Variants in MAML2 observed in about 807,000 individuals in gnomAD.
The protein encoded by MAML2 is mastermind-like protein 2.
A neutral mutation model predicts 96.1 loss-of-function variants in MAML2; 22 were observed. The ratio of observed to expected loss-of-function variants is 0.23; its 90% confidence interval spans 0.16 to 0.33. The LOEUF is 0.33. Among genes scored for constraint, MAML2 ranks in the 10% least tolerant of loss-of-function variants. The pLI, the probability that MAML2 is intolerant of heterozygous loss-of-function variation, is 1.00. For synonymous variants in MAML2, 561 were observed against 521.3 expected (o/e 1.08, Z -1.04); for missense variants, 1,367 against 1,392.4 (o/e 0.98, Z 0.29).
rs1178412848 is a variant in MAML2 at position 95,978,704 on chromosome 11, T to C, written c.*244A>G. 2.1e-6 allele frequency: 1 copy of C among 468,668 alleles called. No individual in the cohort carries two copies. Among genetic ancestry groups the C allele is most frequent in the Non-Finnish European group, 3.8e-6 (1 of 266,142 alleles). 29.0% of individuals were successfully genotyped at this position (468,668 alleles called of 1,614,324 possible). On this transcript the variant is annotated 3_prime_UTR_variant, in exon 5 of 5. Coordinates refer to ENST00000524717, the MANE Select transcript of MAML2 (RefSeq NM_032427.4). Reference sequence around the variant, plus strand: ...GACACCACAGTTCTGTTTGGATAAATTGGATACTGTATCCTGGAGTTTAGA... The same window carrying C: ...GACACCACAGTTCTGTTTGGATAAACTGGATACTGTATCCTGGAGTTTAGA...
At chr11:96,237,497 T>C (rs747541784) in intron 1 of MAML2, among the ~76,000 whole-genome samples, 1 of 152,230 alleles carries the variant, frequency 6.6e-6, no homozygotes, top group Non-Finnish European at 1.5e-5. Context: ...GTTGATTTTC[T>C]AACTCCAATT....
intron 1 of MAML2, among the ~76,000 whole-genome samples, chr11:96,145,813 G>A (rs1216780300): frequency 1.3e-5 from 2 of 152,164 alleles, no homozygotes; most frequent in African/African-American, 4.8e-5. Context: ...TTCGAGACCA[G>A]CCTGGCCAAC....
Position 96,098,410 on chromosome 11 carries a change from C to G in MAML2, c.514-4893G>C, listed in dbSNP as rs542653177. Among the ~76,000 whole-genome samples, 4 of 152,322 alleles carry G rather than the reference C, an allele frequency of 2.6e-5. No individual in the cohort carries two copies. In the East Asian group the frequency reaches 7.7e-4, roughly 29 times the overall value. On this transcript the variant is annotated intron_variant, in intron 1 of 4. Transcript: ENST00000524717. ...TCAATCTTTGCACTTTTCCCACTAC[C>G]TAGGTGGGTGAGAAGCATTTTTTAT...
At chr11:96,231,485 A>T (rs1473457914) in intron 1 of MAML2, among the ~76,000 whole-genome samples, 1 of 152,218 alleles carries the variant, frequency 6.6e-6, no homozygotes, top group Non-Finnish European at 1.5e-5. Flanking sequence ...TACCTACTGT[A>T]GGATGTAAAG....
At chr11:96,229,336 G>C (rs569505951) in intron 1 of MAML2, among the ~76,000 whole-genome samples, 2 of 151,750 alleles carry the variant, frequency 1.3e-5, no homozygotes, top group Non-Finnish European at 2.9e-5. Context: ...GCAATTATAC[G>C]TAAGAGTGTT....
intron 1 of MAML2, among the ~76,000 whole-genome samples, chr11:96,184,596 T>A (rs1371904199): frequency 6.9e-6 from 1 of 145,458 alleles, no homozygotes; most frequent in Non-Finnish European, 1.5e-5. Context: ...TTTTACTTTT[T>A]TTTTTTTTTT....
At chr11:96,055,603 A>G (rs1007542880) in intron 2 of MAML2, among the ~76,000 whole-genome samples, 1 of 152,232 alleles carries the variant, frequency 6.6e-6, no homozygotes, top group African/African-American at 2.4e-5. Context: ...TAAAGCTCAC[A>G]CATGAATACA....
At chr11:96,150,352 C>A (rs1328674177) in intron 1 of MAML2, among the ~76,000 whole-genome samples, 1 of 152,152 alleles carries the variant, frequency 6.6e-6, no homozygotes, top group Admixed American at 6.5e-5. Flanking sequence ...AGTGAGAGCA[C>A]ATAGGAAGGA....
intron 1 of MAML2, among the ~76,000 whole-genome samples, chr11:96,230,771 GA>G (rs1555027221): frequency 1.3e-5 from 2 of 152,162 alleles, no homozygotes; most frequent in Non-Finnish European, 2.9e-5. Flanking sequence ...GGAACAATAC[GA>G]AGCCTAATGT....
At chr11:96,270,884 C>G (rs1565268554) in intron 1 of MAML2, among the ~76,000 whole-genome samples, 1 of 152,150 alleles carries the variant, frequency 6.6e-6, no homozygotes, top group Non-Finnish European at 1.5e-5. Context: ...GAAAGGCAGA[C>G]CCACCCTCAA....
chr11:96,098,523 G>A (rs1176974236), intron 1 of MAML2, among the ~76,000 whole-genome samples: 2 of 152,212 alleles, frequency 1.3e-5, no homozygotes, highest in Non-Finnish European at 2.9e-5. Context: ...ATCCGAGGAA[G>A]GGGCTTGTTT....
chr11:96,202,336 G>GTGACTC (rs1231470972), intron 1 of MAML2, among the ~76,000 whole-genome samples: 2 of 134,148 alleles, frequency 1.5e-5, no homozygotes, highest in East Asian at 4.2e-4. Flanking sequence ...GGGTGACAGA[G>GTGACTC]CAAGACTCCA....
At chr11:96,311,534 C>T (rs1047024028) in intron 1 of MAML2, among the ~76,000 whole-genome samples, 7 of 152,158 alleles carry the variant, frequency 4.6e-5, no homozygotes, top group South Asian at 2.1e-4. Flanking sequence ...CTAGAGATGG[C>T]GGTACCTAGA....
intron 1 of MAML2, among the ~76,000 whole-genome samples, chr11:96,107,638 G>A (rs1213757793): frequency 1.3e-5 from 2 of 152,206 alleles, no homozygotes; most frequent in Admixed American, 6.5e-5. Context: ...TGGTTGCCAG[G>A]GAAACCAGCC....
chr11:96,006,369 A>G (rs1446907146), intron 2 of MAML2, among the ~76,000 whole-genome samples: 1 of 152,170 alleles, frequency 6.6e-6, no homozygotes, highest in African/African-American at 2.4e-5. Flanking sequence ...CCTTAAATGA[A>G]AAGTCTACTG....
intron 1 of MAML2, among the ~76,000 whole-genome samples, chr11:96,244,367 G>A (rs529138198): frequency 6.4e-4 from 97 of 152,314 alleles, no homozygotes; most frequent in African/African-American, 2.3e-3. Context: ...AATTCTATAA[G>A]TAGATAAGGA....
chr11:96,130,254 T>G (rs926244857), intron 1 of MAML2, among the ~76,000 whole-genome samples: 1 of 152,216 alleles, frequency 6.6e-6, no homozygotes, highest in South Asian at 2.1e-4. Context: ...AGGATCCACC[T>G]GCTTCACTAA....
chr11:96,288,529 C>T (rs1349329596), intron 1 of MAML2, among the ~76,000 whole-genome samples: 1 of 135,442 alleles, frequency 7.4e-6, no homozygotes, highest in Admixed American at 8.1e-5. Context: ...GTGACAACAG[C>T]GAGACTCTGT....
chr11:96,003,008 G>C (rs1001827072), intron 2 of MAML2, among the ~76,000 whole-genome samples: 1 of 139,286 alleles, frequency 7.2e-6, no homozygotes, highest in Non-Finnish European at 1.5e-5. Flanking sequence ...GATGATGATG[G>C]GGATGATGAA....
Sources: allele counts gnomAD v4.1 joint callset (sites outside exome capture counted in the v4.1 genomes callset), GRCh38; gene constraint gnomAD v4.1.1; transcripts MANE v1.5; gene names NCBI Gene and HGNC (gene_info 2026-07-23, HGNC 2026-07-21).